The following PTPRG variants were observed in gnomAD, a reference collection of about 807,000 sequenced individuals.
The protein encoded by PTPRG is protein tyrosine phosphatase receptor type G.
Under a neutral mutation model 165.3 loss-of-function variants are expected in PTPRG, and 102 were observed. The observed-to-expected ratio is 0.62, with a 90% CI of 0.53 to 0.73. The LOEUF (loss-of-function observed/expected upper bound fraction) is 0.73. Ranked by LOEUF, PTPRG falls within the 30% of genes least tolerant of loss-of-function variation. The probability of loss-of-function intolerance (pLI) is 0.00; values close to 1 mark genes in which losing one functional copy is unlikely to be tolerated. For synonymous variants in PTPRG, 675 were observed against 669.5 expected (o/e 1.01, Z -0.13); for missense variants, 1,866 against 1,861.4 (o/e 1.00, Z -0.05).
intron 9 of PTPRG, among the ~76,000 whole-genome samples, chr3:62,192,908 C>T (rs946852467): frequency 7.2e-5 from 11 of 152,268 alleles, no homozygotes; most frequent in East Asian, 1.9e-4. Flanking sequence ...CAGAGTCCTC[C>T]GGGCCCATTC....
At chr3:61,798,776 A>T (rs1280227074) in intron 2 of PTPRG, among the ~76,000 whole-genome samples, 1 of 152,076 alleles carries the variant, frequency 6.6e-6, no homozygotes, top group African/African-American at 2.4e-5. Flanking sequence ...CAAGAGTCGG[A>T]GACAAGGGCT....
chr3:62,271,633 C>G lies in PTPRG; in HGVS notation c.3182+78C>G. 7.6e-7 allele frequency: 1 copy of G among 1,323,584 alleles called. No homozygotes were observed. The highest frequency in any genetic ancestry group is 1.0e-6 in the Non-Finnish European group (1 of 965,646). 82.0% of individuals were successfully genotyped at this position (1,323,584 alleles called of 1,614,324 possible). ...CAGTGACCTTGGACCACAATGATTG[C>G]TACTGCTTTCACTTAGAAGCTGAAT... is the stretch of plus-strand genomic sequence containing the variant. On this transcript the variant is annotated intron_variant, in intron 21 of 29. Coordinates refer to ENST00000474889, the MANE Select transcript of PTPRG (RefSeq NM_002841.4). The surrounding 1 kb of genome is among the most constrained non-coding windows in gnomAD (Gnocchi z 4.1).
chr3:61,915,161 G>A (rs1270511246), intron 2 of PTPRG, among the ~76,000 whole-genome samples: 2 of 152,126 alleles, frequency 1.3e-5, no homozygotes, highest in African/African-American at 2.4e-5. Context: ...CCCAGGTGGC[G>A]GAGGTTGCAG....
intron 1 of PTPRG, among the ~76,000 whole-genome samples, chr3:61,744,238 A>G (rs1303006884): frequency 6.6e-6 from 1 of 152,250 alleles, no homozygotes. Context: ...AAAAAATCAC[A>G]GCATCGTCGA....
intron 2 of PTPRG, among the ~76,000 whole-genome samples, chr3:61,810,190 C>T (rs767452008): frequency 9.2e-5 from 14 of 152,070 alleles, no homozygotes; most frequent in South Asian, 2.1e-4. Flanking sequence ...AAGAACAATA[C>T]GACTGGTACA....
intron 1 of PTPRG, among the ~76,000 whole-genome samples, chr3:61,698,589 A>G (rs1039356560): frequency 6.6e-6 from 1 of 152,212 alleles, no homozygotes; most frequent in African/African-American, 2.4e-5. Context: ...CTTACGTAGC[A>G]GTGGTTCTGA....
intron 2 of PTPRG, among the ~76,000 whole-genome samples, chr3:61,785,027 A>G (rs188473201): frequency 6.6e-6 from 1 of 152,336 alleles, no homozygotes; most frequent in East Asian, 1.9e-4. Flanking sequence ...CGTAGAGCAC[A>G]GGTATATTTA....
At chr3:61,755,667 C>A (rs2033611362) in intron 2 of PTPRG, among the ~76,000 whole-genome samples, 1 of 152,162 alleles carries the variant, frequency 6.6e-6, no homozygotes, top group African/African-American at 2.4e-5. Flanking sequence ...TTTGCCAGGA[C>A]ACACATAGGC....
chr3:61,991,833 T>A (rs33082), intron 3 of PTPRG, among the ~76,000 whole-genome samples: 3 of 151,990 alleles, frequency 2.0e-5, no homozygotes, highest in Admixed American at 2.0e-4. Context: ...ACACGTTTCA[T>A]TGACAGCTTT....
intron 5 of PTPRG, among the ~76,000 whole-genome samples, chr3:62,126,366 ACTAGTTTC>A (rs1703291295): frequency 6.6e-6 from 1 of 152,226 alleles, no homozygotes; most frequent in Non-Finnish European, 1.5e-5. Flanking sequence ...CTGTGAATTA[ACTAGTTTC>A]CATTAATATT....
chr3:61,599,970 CCAACTTGGCAAAACCCCAT>C, intron 1 of PTPRG, among the ~76,000 whole-genome samples: 1 of 151,682 alleles, frequency 6.6e-6, no homozygotes, highest in African/African-American at 2.4e-5. Flanking sequence ...ACCAGCCTGG[CCAACTTGGCAAAACCCCAT>C]CTCTACCAAA....
intron 5 of PTPRG, among the ~76,000 whole-genome samples, chr3:62,130,228 T>G (rs1703461732): frequency 6.6e-6 from 1 of 152,212 alleles, no homozygotes; most frequent in Non-Finnish European, 1.5e-5. Flanking sequence ...GAACGTTAGC[T>G]AGGACTACCT....
intron 2 of PTPRG, among the ~76,000 whole-genome samples, chr3:61,841,693 A>T (rs1423379102): frequency 2.0e-5 from 3 of 152,224 alleles, no homozygotes; most frequent in Non-Finnish European, 2.9e-5. Flanking sequence ...CAAGTGAAAT[A>T]AGCTGAAAGT....
chr3:62,070,936 T>TAAA (rs60751536), intron 4 of PTPRG, among the ~76,000 whole-genome samples: 8 of 146,472 alleles, frequency 5.5e-5, no homozygotes, highest in African/African-American at 1.8e-4. Flanking sequence ...AAAGTATAAT[T>TAAA]AAAAAAAAAA....
At chr3:61,637,494 A>G (rs1426428763) in intron 1 of PTPRG, among the ~76,000 whole-genome samples, 1 of 152,206 alleles carries the variant, frequency 6.6e-6, no homozygotes, top group African/African-American at 2.4e-5. Context: ...AACAGAGGCC[A>G]GAGAACTTTC....
intron 4 of PTPRG, among the ~76,000 whole-genome samples, chr3:62,072,812 C>G (rs1701254271): frequency 6.6e-6 from 1 of 152,062 alleles, no homozygotes; most frequent in Non-Finnish European, 1.5e-5. Context: ...AAGAATCAAA[C>G]CCAAAGTATT....
At chr3:61,922,524 G>A (rs986476297) in intron 2 of PTPRG, among the ~76,000 whole-genome samples, 1 of 152,196 alleles carries the variant, frequency 6.6e-6, no homozygotes, top group Admixed American at 6.5e-5. Context: ...TATTGCTGCA[G>A]GACCTAAGGG....
At chr3:62,019,785 A>G (rs1043919808) in intron 4 of PTPRG, among the ~76,000 whole-genome samples, 3 of 152,182 alleles carry the variant, frequency 2.0e-5, no homozygotes, top group Non-Finnish European at 4.4e-5. Context: ...GCCAACTTAA[A>G]AAAATTAAAA....
chr3:61,775,660 A>T (rs1396704417), intron 2 of PTPRG, among the ~76,000 whole-genome samples: 2 of 152,154 alleles, frequency 1.3e-5, no homozygotes, highest in African/African-American at 2.4e-5. Flanking sequence ...TGGCTAAGAA[A>T]TCAAGGTTCT....
Sources: gnomAD v4.1 joint callset for allele counts (sites outside exome capture counted in the v4.1 genomes callset) on GRCh38, gnomAD v4.1.1 for gene constraint, Gnocchi (gnomAD v3.1) non-coding constraint, MANE v1.5 for transcripts, NCBI Gene and HGNC (gene_info 2026-07-23, HGNC 2026-07-21) for gene names.